Variants in STOX2 observed in about 807,000 individuals in gnomAD.
STOX2 encodes the protein storkhead box 2, also known as storkhead-box protein 2.
A neutral mutation model predicts 60.9 loss-of-function variants in STOX2; 28 were observed. The ratio of observed to expected loss-of-function variants is 0.46; its 90% CI spans 0.34 to 0.63. The LOEUF is 0.63. Among genes scored for constraint, STOX2 ranks in the 30% least tolerant of loss-of-function variants. The pLI, the probability that STOX2 is intolerant of heterozygous loss-of-function variation, is 0.01. For missense variants in STOX2, 1,024 were observed against 1,187.7 expected (o/e 0.86, Z 2.03); for synonymous variants, 472 against 463.9 (o/e 1.02, Z -0.22).
At chr4:183,812,326 TA>T (rs1739053215) in intron 1 of STOX2, among the ~76,000 whole-genome samples, 1 of 138,090 alleles carries the variant, frequency 7.2e-6, no homozygotes, top group Admixed American at 6.9e-5. Context: ...GTAATTTGAA[TA>T]AACTATAACT....
chr4:183,973,522 G>A (rs182812934), intron 1 of STOX2, among the ~76,000 whole-genome samples: 1 of 152,060 alleles, frequency 6.6e-6, no homozygotes, highest in East Asian at 1.9e-4. Context: ...ATATACGAAG[G>A]TAAAAAAATG....
Position 183,865,721 on chromosome 4 carries a change from G to GAC in STOX2, c.364+67667_364+67668dup, listed in dbSNP as rs1740547790. Among the ~76,000 whole-genome samples, 1 of 152,178 alleles carries GAC rather than the reference G, an allele frequency of 6.6e-6. No individual in the cohort carries two copies. The highest frequency in any genetic ancestry group is 1.5e-5 in the Non-Finnish European group (1 of 68,034). On this transcript the variant is annotated intron_variant, in intron 1 of 2. Transcript: ENST00000513034. The surrounding 1 kb of genome is among the most constrained non-coding windows in gnomAD (Gnocchi z 4.1). ...GGAGTTTGGATGGGGAAGAGGAGGT[G>GAC]ACGGAGGTTGCAAGGAGGGGAACGA...
chr4:183,884,289 G>C (rs1372237958), intron 1 of STOX2, among the ~76,000 whole-genome samples: 4 of 143,506 alleles, frequency 2.8e-5, no homozygotes, highest in Non-Finnish European at 4.6e-5. Context: ...GGTCATCTTT[G>C]TTGGTTGTCT....
chr4:183,873,100 G>T (rs1579358172), intron 1 of STOX2, among the ~76,000 whole-genome samples: 1 of 152,278 alleles, frequency 6.6e-6, no homozygotes, highest in East Asian at 1.9e-4. Flanking sequence ...GTTATGTCCT[G>T]TTGGTATGTT....
intron 1 of STOX2, among the ~76,000 whole-genome samples, chr4:183,922,758 C>G (rs1742139208): frequency 6.6e-6 from 1 of 152,168 alleles, no homozygotes; most frequent in Admixed American, 6.5e-5. Flanking sequence ...TCTTGCAGAA[C>G]TGAAACTCTG....
At position 183,825,970 on chromosome 4, in the gene STOX2, A is replaced by G. The variant is rs1326764484; in HGVS notation, c.364+27915A>G. ...TTTGCAGTCGCTGAAACCTTTGGGT[A>G]ATCTATCACCTCTTCTTCTGCTCTT... On this transcript the variant is annotated intron_variant, in intron 1 of 2. Transcript: ENST00000513034. This position sits in a 1 kb window ranked among gnomAD's most constrained non-coding sequence, Gnocchi z 4.1. Among the ~76,000 whole-genome samples the G allele has an allele frequency of 6.6e-6, 1 of 151,884 alleles. No individual in the cohort carries two copies. The highest frequency in any genetic ancestry group is 1.5e-5 in the Non-Finnish European group (1 of 67,972).
chr4:183,890,163 C>T (rs1741172208), intron 1 of STOX2, among the ~76,000 whole-genome samples: 1 of 152,116 alleles, frequency 6.6e-6, no homozygotes, highest in South Asian at 2.1e-4. Context: ...AACAAGGAAA[C>T]CGGTAAACTC....
rs1741621995 is a variant in STOX2, at chr4:183,906,688, G to A, written c.-103G>A. The A allele has an allele frequency of 2.1e-5, 27 of 1,272,580 alleles. No individual in the cohort carries two copies. In the South Asian group the frequency reaches 4.1e-4, roughly 19 times the overall value. 78.8% of individuals were successfully genotyped at this position (1,272,580 alleles called of 1,614,324 possible). On this transcript the variant is annotated 5_prime_UTR_variant, in exon 1 of 4. Transcript: ENST00000308497. ...ACGAGGAGGGGCTGGGAAAATGTGC[G>A]CAGAGTCCGCCCGGGTCGTGCCCGC...
At chr4:183,994,545 G>A (rs750988871) in intron 1 of STOX2, among the ~76,000 whole-genome samples, 2 of 152,226 alleles carry the variant, frequency 1.3e-5, no homozygotes, top group African/African-American at 4.8e-5. Flanking sequence ...CTAGACACCC[G>A]TGCCATATGA....
rs1369288552 is a variant in STOX2, at chr4:183,907,046, G to A, written c.166+90G>A. On this transcript the variant is annotated intron_variant, in intron 1 of 3. Coordinates refer to ENST00000308497, the MANE Select transcript of STOX2 (RefSeq NM_020225.3). ...CCCGGGTGCTTGGAGGAGAGGACGG[G>A]CAGTGATGGATGCGATAAGTTATGG... 3 of 1,134,618 alleles carry A rather than the reference G, an allele frequency of 2.6e-6. No individual in the cohort carries two copies. The East Asian group carries it at 8.0e-5, about 30-fold the overall frequency. The allele number at this position is 1,134,618 out of a possible 1,614,324, so 70.3% of individuals were successfully genotyped here.
At chr4:183,818,222 T>TAC (rs1739197892) in intron 1 of STOX2, among the ~76,000 whole-genome samples, 1 of 152,026 alleles carries the variant, frequency 6.6e-6, no homozygotes, top group African/African-American at 2.4e-5. Context: ...TCTCTGGTTT[T>TAC]CCTAGGCAGA....
At chr4:183,894,460 G>A (rs548741143) in intron 1 of STOX2, among the ~76,000 whole-genome samples, 16 of 151,860 alleles carry the variant, frequency 1.1e-4, no homozygotes, top group Non-Finnish European at 1.9e-4. Flanking sequence ...AATGTTATTA[G>A]TAATTATTAA....
intron 1 of STOX2, among the ~76,000 whole-genome samples, chr4:183,849,151 G>A (rs1740051732): frequency 1.3e-5 from 2 of 152,326 alleles, no homozygotes; most frequent in South Asian, 4.2e-4. Flanking sequence ...CCCAGGAGCA[G>A]CCAGATTTCC....
rs1056027705 is a variant in STOX2, at chr4:183,821,743, C to T, written c.364+23688C>T. 1.3e-5 allele frequency among the ~76,000 whole-genome samples: 2 copies of T among 152,232 alleles called. No individual in the cohort carries two copies. The highest frequency in any genetic ancestry group is 6.5e-5 in the Admixed American group (1 of 15,288). Reference sequence around the variant, plus strand: ...TGCCTAGAGGGGAGGGGAGGGGTCCCTGCTGCTCCAGCAGCCTCCCCCTCC... The same window carrying T: ...TGCCTAGAGGGGAGGGGAGGGGTCCTTGCTGCTCCAGCAGCCTCCCCCTCC... On this transcript the variant is annotated intron_variant, in intron 1 of 2. Coordinates refer to the STOX2 transcript ENST00000513034. The surrounding 1 kb of genome is among the most constrained non-coding windows in gnomAD (Gnocchi z 4.2).
intron 1 of STOX2, among the ~76,000 whole-genome samples, chr4:183,991,454 G>GT (rs1275247641): frequency 6.7e-6 from 1 of 149,538 alleles, no homozygotes; most frequent in Non-Finnish European, 1.5e-5. Flanking sequence ...TTTTGACGGA[G>GT]TCTTTCCTTG....
chr4:183,883,687 T>G (rs1362939818), intron 1 of STOX2, among the ~76,000 whole-genome samples: 1 of 151,944 alleles, frequency 6.6e-6, no homozygotes, highest in Non-Finnish European at 1.5e-5. Flanking sequence ...AAACAAACTG[T>G]TAAGAATGAT....
At chr4:183,849,077 A>G (rs1447119163) in intron 1 of STOX2, among the ~76,000 whole-genome samples, 1 of 152,208 alleles carries the variant, frequency 6.6e-6, no homozygotes, top group African/African-American at 2.4e-5. Context: ...GATTCCAAGC[A>G]TCAAACTAGA....
chr4:183,907,846 A>G (rs1005788692), intron 1 of STOX2, among the ~76,000 whole-genome samples: 1 of 152,216 alleles, frequency 6.6e-6, no homozygotes, highest in African/African-American at 2.4e-5. Flanking sequence ...CTTGGATGTA[A>G]TGATGTGTAA....
intron 1 of STOX2, among the ~76,000 whole-genome samples, chr4:183,938,240 T>C (rs1742642604): frequency 6.6e-6 from 1 of 152,250 alleles, no homozygotes; most frequent in East Asian, 1.9e-4. Flanking sequence ...GACTGGTTCC[T>C]CTACTGTAAC....
Sources: gnomAD v4.1 joint callset for allele counts (sites outside exome capture counted in the v4.1 genomes callset) on GRCh38, gnomAD v4.1.1 for gene constraint, Gnocchi (gnomAD v3.1) non-coding constraint, MANE v1.5 for transcripts, NCBI Gene and HGNC (gene_info 2026-07-23, HGNC 2026-07-21) for gene names.